The following SYNPO2 variants were observed in gnomAD, a reference collection of about 807,000 sequenced individuals.
SYNPO2 encodes synaptopodin-2.
SYNPO2 carries 56 observed loss-of-function variants against 85.0 expected under a neutral mutation model. The ratio of observed to expected loss-of-function variants is 0.66; its 90% CI spans 0.53 to 0.82. The LOEUF (loss-of-function observed/expected upper bound fraction) is 0.82. Ranked by LOEUF, SYNPO2 falls within the 40% of genes least tolerant of loss-of-function variation. The probability of loss-of-function intolerance (pLI) is 0.00; values close to 1 mark genes in which losing one functional copy is unlikely to be tolerated. For missense variants in SYNPO2, 1,575 were observed against 1,534.2 expected, an observed-to-expected ratio of 1.03 and a Z score of -0.44; for synonymous variants, 602 against 591.1, an observed-to-expected ratio of 1.02 and a Z score of -0.27.
intron 1 of SYNPO2, among the ~76,000 whole-genome samples, chr4:118,901,087 A>G (rs78395747): frequency 0.011 from 1,726 of 152,216 alleles, 24 homozygotes; most frequent in African/African-American, 0.039. Context: ...ATTTTCTGAT[A>G]TATTTTTCTT....
At position 118,999,340 on chromosome 4, in the gene SYNPO2, C is replaced by T. The variant is rs118066292; in HGVS notation, c.106-24090C>T. ...ATTTTTTTTTAATTTTTTGTAGAGA[C>T]GGGGTTTCATCATGTTGTCCAGGCT... On this transcript the variant is annotated intron_variant, in intron 1 of 4. Transcript: ENST00000307142. Among the ~76,000 whole-genome samples, 315 of 151,780 alleles carry T rather than the reference C, an allele frequency of 2.1e-3. 3 individuals are homozygous for T. Among genetic ancestry groups the T allele is most frequent in the East Asian group, 0.014 (73 of 5,150 alleles).
intron 4 of SYNPO2, chr4:119,034,121 G>C: frequency 7.1e-6 from 7 of 985,424 alleles, no homozygotes; most frequent in Non-Finnish European, 8.4e-6. Flanking sequence ...TGTATTACTT[G>C]TTCCCTGCAA....
At chr4:118,879,084 T>G (rs1032349008) in intron 1 of SYNPO2, among the ~76,000 whole-genome samples, 1 of 152,084 alleles carries the variant, frequency 6.6e-6, no homozygotes, top group Non-Finnish European at 1.5e-5. Flanking sequence ...TGTTAAGGTG[T>G]GCCACTTCAC....
At chr4:118,986,174 A>G (rs1736210607) in intron 1 of SYNPO2, among the ~76,000 whole-genome samples, 1 of 152,224 alleles carries the variant, frequency 6.6e-6, no homozygotes, top group Non-Finnish European at 1.5e-5. Context: ...ATTAATATTT[A>G]AACCCACCCT....
intron 1 of SYNPO2, among the ~76,000 whole-genome samples, chr4:118,953,856 T>C (rs1407312876): frequency 6.6e-6 from 1 of 152,170 alleles, no homozygotes; most frequent in Non-Finnish European, 1.5e-5. Context: ...CTTGATTCTC[T>C]CCAGTGAACT....
rs1734202814 is a variant in SYNPO2, at chr4:118,938,848, G to A, written c.105+49707G>A. On this transcript the variant is annotated intron_variant, in intron 1 of 4. Transcript: ENST00000307142. ...GAGCTGAGCATATTTCATACACAGA[G>A]CACTCTGTTTGGGCCTCTTGACAAA... Among the ~76,000 whole-genome samples, 3 of 152,190 alleles carry A rather than the reference G, an allele frequency of 2.0e-5. No individual in the cohort carries two copies. The South Asian group carries it at 6.2e-4, about 31-fold the overall frequency.
chr4:119,035,819 C>A (rs199923117), intron 4 of SYNPO2: 804 of 935,732 alleles, frequency 8.6e-4, no homozygotes, highest in Admixed American at 3.3e-3. Context: ...CTGAGATGTC[C>A]AAAAAAAAAA....
intron 1 of SYNPO2, among the ~76,000 whole-genome samples, chr4:119,013,091 G>C (rs545551529): frequency 2.4e-4 from 37 of 152,210 alleles, no homozygotes; most frequent in Admixed American, 1.7e-3. Flanking sequence ...ATAATACTAA[G>C]GTGTTACTTG....
At chr4:118,996,771 C>T (rs1736612020) in intron 1 of SYNPO2, among the ~76,000 whole-genome samples, 1 of 150,102 alleles carries the variant, frequency 6.7e-6, no homozygotes, top group African/African-American at 2.5e-5. Context: ...GTAGGAGAAT[C>T]GCTCGAACCT....
intron 1 of SYNPO2, among the ~76,000 whole-genome samples, chr4:118,943,136 G>T (rs1028448519): frequency 5.3e-5 from 8 of 151,686 alleles, no homozygotes; most frequent in African/African-American, 1.9e-4. Flanking sequence ...TAGTGTTGAG[G>T]TTGAAAAAAA....
intron 1 of SYNPO2, among the ~76,000 whole-genome samples, chr4:118,965,402 T>C (rs1309406898): frequency 2.0e-5 from 3 of 152,122 alleles, no homozygotes; most frequent in African/African-American, 7.2e-5. Flanking sequence ...CTGCACTGCA[T>C]TCTACCCTCC....
chr4:119,031,221 G>T lies in SYNPO2; in HGVS notation c.2446G>T (p.Ala816Ser). 1.2e-6 allele frequency: 2 copies of T among 1,614,040 alleles called. No individual in the cohort carries two copies. Among genetic ancestry groups the T allele is most frequent in the Non-Finnish European group, 1.7e-6 (2 of 1,180,014 alleles). ...AATAGCCCAGCCTTCTTACCCTCCT[G>T]CCCGGCCTGCAAGTACTTTGAACGT... The part of the protein sequence containing the change: ...IKIAQPSYPP[A>S]RPASTLNVAG... The change falls in exon 4 of 5, where the codon GCC becomes TCC. Residue 816 changes from alanine to serine, a missense_variant. By Grantham distance (99) the Ala-to-Ser change is moderately conservative (BLOSUM62 1). This residue lies in a region of SYNPO2 where 1,508 missense variants were observed against 1,446.8 expected (regional missense o/e 1.04). Transcript: ENST00000307142.
intron 1 of SYNPO2, among the ~76,000 whole-genome samples, chr4:118,956,873 C>T (rs747971718): frequency 2.5e-4 from 38 of 151,902 alleles, no homozygotes; most frequent in South Asian, 8.4e-4. Context: ...GGTGAAACTC[C>T]GTCTCTACTA....
intron 1 of SYNPO2, among the ~76,000 whole-genome samples, chr4:118,854,366 G>C (rs961351927): frequency 8.5e-5 from 13 of 152,096 alleles, no homozygotes; most frequent in African/African-American, 3.1e-4. Context: ...CATTTTATTG[G>C]TTCCATTAAT....
rs531884443 is a variant in SYNPO2 at position 119,023,304 on chromosome 4, C to T, written c.106-126C>T. On this transcript the variant is annotated intron_variant, in intron 1 of 4. Coordinates refer to ENST00000307142, the MANE Select transcript of SYNPO2 (RefSeq NM_133477.3). The stretch of plus-strand genomic sequence containing the variant: ...GGTAAGAAGTATTTAAATGGTCTTA[C>T]AGGTTAACAGGTGAATTAAAATTCA... The T allele has an allele frequency of 4.2e-6, 4 of 957,242 alleles. No individual in the cohort carries two copies. The African/African-American group carries it at 5.0e-5, about 12-fold the overall frequency. The allele number at this position is 957,242 out of a possible 1,614,324, so 59.3% of individuals were successfully genotyped here.
intron 1 of SYNPO2, among the ~76,000 whole-genome samples, chr4:118,857,683 T>C (rs1013894363): frequency 1.3e-5 from 2 of 152,220 alleles, no homozygotes; most frequent in Non-Finnish European, 2.9e-5. Context: ...GCTCTGAAAT[T>C]CACTGTAAAG....
chr4:119,045,691 T>C (rs1738851066), intron 4 of SYNPO2, among the ~76,000 whole-genome samples: 1 of 152,218 alleles, frequency 6.6e-6, no homozygotes, highest in Non-Finnish European at 1.5e-5. Context: ...TGTTTAACAT[T>C]TATTTTTTAT....
intron 4 of SYNPO2, among the ~76,000 whole-genome samples, chr4:119,039,225 G>GT (rs1290138030): frequency 6.6e-6 from 1 of 152,036 alleles, no homozygotes; most frequent in Non-Finnish European, 1.5e-5. Context: ...GAAAATTGAG[G>GT]TAAAGAAAAC....
At chr4:118,972,317 G>T (rs759908592) in intron 1 of SYNPO2, among the ~76,000 whole-genome samples, 5 of 151,950 alleles carry the variant, frequency 3.3e-5, no homozygotes, top group African/African-American at 4.8e-5. Flanking sequence ...AGTGGTGCGT[G>T]CCTGTAGTCC....
Sources: allele counts gnomAD v4.1 joint callset (sites outside exome capture counted in the v4.1 genomes callset), GRCh38; gene constraint gnomAD v4.1.1; regional missense constraint gnomAD v4.1.1; transcripts MANE v1.5; gene names NCBI Gene and HGNC (gene_info 2026-07-23, HGNC 2026-07-21).